CNTLN: variants seen among roughly 807,000 people sequenced by gnomAD.
CNTLN encodes the protein centlein.
A neutral mutation model predicts 180.0 loss-of-function variants in CNTLN; 212 were observed. The ratio of observed to expected loss-of-function variants is 1.18; its 90% CI spans 1.05 to 1.32. CNTLN has a LOEUF of 1.32. Ranked by LOEUF, CNTLN falls within the 40% of genes most tolerant of loss-of-function variation. The pLI is 0.00. For synonymous variants in CNTLN, 722 were observed against 563.1 expected, an observed-to-expected ratio of 1.28 and a Z score of -3.99; for missense variants, 2,095 against 1,610.9, an observed-to-expected ratio of 1.30 and a Z score of -5.14.
chr9:17,425,257 C>T (rs1015460306), intron 18 of CNTLN, among the ~76,000 whole-genome samples: 8 of 151,996 alleles, frequency 5.3e-5, no homozygotes, highest in African/African-American at 1.9e-4. Context: ...GAGATGGGGC[C>T]TTTGGGAAGT....
At chr9:17,249,378 T>C (rs1826000374) in intron 5 of CNTLN, among the ~76,000 whole-genome samples, 1 of 147,292 alleles carries the variant, frequency 6.8e-6, no homozygotes, top group Non-Finnish European at 1.5e-5. Flanking sequence ...AGCTGGAGTC[T>C]CGCTCTATCA....
rs1822302001 is a variant in CNTLN, at chr9:17,350,835, G to T, written c.1886+8391G>T. Among the ~76,000 whole-genome samples the T allele has an allele frequency of 2.0e-5, 3 of 152,102 alleles. No homozygotes were observed. In the South Asian group the frequency reaches 6.2e-4, roughly 32 times the overall value. The stretch of plus-strand genomic sequence containing the variant: ...ATCTCCGACTATCATCACATTAGGG[G>T]TTAGAGTTTCAGCTGAGTTCAAATC... On this transcript the variant is annotated intron_variant, in intron 12 of 25. Coordinates refer to ENST00000380647, the MANE Select transcript of CNTLN (RefSeq NM_017738.4).
chr9:17,362,175 C>G (rs1823450977), intron 12 of CNTLN, among the ~76,000 whole-genome samples: 1 of 152,212 alleles, frequency 6.6e-6, no homozygotes, highest in African/African-American at 2.4e-5. Context: ...TTTCCAACAA[C>G]TGCAGCCCTA....
intron 10 of CNTLN, among the ~76,000 whole-genome samples, chr9:17,333,000 C>A (rs1007541519): frequency 1.3e-5 from 2 of 151,988 alleles, no homozygotes; most frequent in East Asian, 3.9e-4. Context: ...AATTTCTTAA[C>A]CCTTTCCCAA....
chr9:17,463,936 GTAGC>G (rs2134196821), intron 20 of CNTLN, among the ~76,000 whole-genome samples: 1 of 15,036 alleles, frequency 6.7e-5, no homozygotes, highest in East Asian at 1.0e-3. Context: ...TGTTTTAGTA[GTAGC>G]AGCAGCAGCA....
chr9:17,495,080 A>G (rs1004423277), intron 25 of CNTLN: 2 of 362,140 alleles, frequency 5.5e-6, no homozygotes, highest in Non-Finnish European at 1.1e-5. Context: ...GGGTTTTGCC[A>G]TGTTGCCCAG....
At chr9:17,271,058 C>T (rs1319776455) in intron 5 of CNTLN, among the ~76,000 whole-genome samples, 1 of 149,906 alleles carries the variant, frequency 6.7e-6, no homozygotes, top group Non-Finnish European at 1.5e-5. Context: ...TCACACCATT[C>T]TCCTGCCTCA....
intron 8 of CNTLN, among the ~76,000 whole-genome samples, chr9:17,310,552 C>T (rs1819059851): frequency 1.3e-5 from 2 of 152,104 alleles, no homozygotes; most frequent in African/African-American, 4.8e-5. Flanking sequence ...TGTTTCTTGA[C>T]GTACACGTTC....
intron 5 of CNTLN, among the ~76,000 whole-genome samples, chr9:17,259,328 C>G (rs1826764582): frequency 7.3e-6 from 1 of 137,300 alleles, no homozygotes; most frequent in Non-Finnish European, 1.6e-5. Context: ...ATGAAGCCCA[C>G]TTGATCATGG....
intron 6 of CNTLN, among the ~76,000 whole-genome samples, chr9:17,287,241 T>C (rs201450220): frequency 2.6e-5 from 4 of 151,890 alleles, no homozygotes; most frequent in South Asian, 2.1e-4. Context: ...TGTCAAAGGC[T>C]TTTTCTGCAT....
intron 2 of CNTLN, among the ~76,000 whole-genome samples, chr9:17,148,536 C>T (rs1158302681): frequency 6.6e-6 from 1 of 152,190 alleles, no homozygotes; most frequent in Non-Finnish European, 1.5e-5. Flanking sequence ...ATTGTTTTCT[C>T]CCTATGGCAT....
At position 17,268,364 on chromosome 9, in the gene CNTLN, C is replaced by T. The variant is rs187392145; in HGVS notation, c.850-5369C>T. Reference sequence around the variant, plus strand: ...TTTAGAATAGCGGATATTGGTGACCCGCAAATGCTGCTGCCTGATCGTTCC... The same window carrying T: ...TTTAGAATAGCGGATATTGGTGACCTGCAAATGCTGCTGCCTGATCGTTCC... On this transcript the variant is annotated intron_variant, in intron 5 of 25. Transcript: ENST00000380647. Among the ~76,000 whole-genome samples the T allele has an allele frequency of 5.3e-3, 805 of 152,202 alleles. 5 individuals are homozygous for T. The highest frequency in any genetic ancestry group is 7.9e-3 in the Admixed American group (121 of 15,278).
intron 25 of CNTLN, among the ~76,000 whole-genome samples, chr9:17,490,521 T>A (rs997384712): frequency 1.3e-5 from 2 of 152,048 alleles, no homozygotes; most frequent in African/African-American, 4.8e-5. Flanking sequence ...ATTCCATTCA[T>A]ACAAAATATA....
intron 18 of CNTLN, among the ~76,000 whole-genome samples, chr9:17,453,922 A>C (rs1830957915): frequency 6.6e-6 from 1 of 152,186 alleles, no homozygotes; most frequent in Non-Finnish European, 1.5e-5. Context: ...AGGACCAGAG[A>C]AGAAAAGCTT....
chr9:17,188,799 TTGAG>T (rs1327152685), intron 2 of CNTLN, among the ~76,000 whole-genome samples: 2 of 152,110 alleles, frequency 1.3e-5, no homozygotes, highest in Middle Eastern at 3.2e-3. Flanking sequence ...TTTTAAATTA[TTGAG>T]TATCTTTTAA....
At chr9:17,351,185 C>A (rs1208774635) in intron 12 of CNTLN, among the ~76,000 whole-genome samples, 1 of 152,146 alleles carries the variant, frequency 6.6e-6, no homozygotes, top group East Asian at 1.9e-4. Context: ...TTCTCCATTG[C>A]CAGCTTTTCC....
At chr9:17,463,801 A>G (rs1335616667) in intron 20 of CNTLN, among the ~76,000 whole-genome samples, 1 of 151,608 alleles carries the variant, frequency 6.6e-6, no homozygotes, top group Non-Finnish European at 1.5e-5. Flanking sequence ...TACTAGGCCT[A>G]TGCCTAAATT....
intron 2 of CNTLN, among the ~76,000 whole-genome samples, chr9:17,182,586 T>C (rs772214115): frequency 2.0e-5 from 3 of 152,214 alleles, no homozygotes; most frequent in African/African-American, 2.4e-5. Context: ...TTGTATTTGG[T>C]GAGTTAATTG....
chr9:17,442,652 G>A (rs10963102), intron 18 of CNTLN, among the ~76,000 whole-genome samples: 19,617 of 152,188 alleles, frequency 0.13, 1,504 homozygotes, highest in East Asian at 0.17. Flanking sequence ...ACTCGCCTTG[G>A]CCTCTTAAAG....
Sources: allele counts gnomAD v4.1 joint callset (sites outside exome capture counted in the v4.1 genomes callset), GRCh38; gene constraint gnomAD v4.1.1; transcripts MANE v1.5; gene names NCBI Gene and HGNC (gene_info 2026-07-23, HGNC 2026-07-21).